Variants in HAUS8 observed in about 807,000 individuals in gnomAD.
HAUS8 encodes the protein HAUS augmin like complex subunit 8.
A neutral mutation model predicts 42.9 loss-of-function variants in HAUS8; 38 were observed. The ratio of observed to expected loss-of-function variants is 0.89; its 90% confidence interval spans 0.68 to 1.16. The LOEUF is 1.16. Among genes scored for constraint, HAUS8 ranks in the 50% most tolerant of loss-of-function variants. The pLI, the probability that HAUS8 is intolerant of heterozygous loss-of-function variation, is 0.00. For synonymous variants in HAUS8, 199 were observed against 205.8 expected (o/e 0.97, Z 0.28); for missense variants, 494 against 511.6 (o/e 0.97, Z 0.33).
At chr19:17,059,957 C>A in intron 5 of HAUS8, 40 bp downstream of exon 5, 1 of 1,434,726 alleles carries the variant, frequency 7.0e-7, no homozygotes, top group African/African-American at 1.4e-5. Context: ...CCTACTGCAA[C>A]CCCCAGTGAG....
At position 17,052,919 on chromosome 19, in the gene HAUS8, G is replaced by A. The variant is rs2057296725; in HGVS notation, c.835C>T (p.Leu279Phe). The change falls in exon 10 of 11, where the codon CTT (leucine) becomes TTT (phenylalanine). Residue 279 changes from leucine to phenylalanine, a missense_variant. Transcript: ENST00000253669. Reference protein sequence around the residue: ...LVTTQRLLGELDVGDSEENVQ... With the variant: ...LVTTQRLLGEFDVGDSEENVQ... ...TTTTCTTCCGAATCACCAACATCAA[G>A]TTCTCCCAGGAGGCGCTGAGTGGTC... 6.2e-7 allele frequency: 1 copy of A among 1,614,184 alleles called. No individual in the cohort carries two copies. Among genetic ancestry groups the A allele is most frequent in the Non-Finnish European group, 8.5e-7 (1 of 1,180,028 alleles).
At chr19:17,063,096 T>C (rs997590662) in intron 3 of HAUS8, among the ~76,000 whole-genome samples, 3 of 152,222 alleles carry the variant, frequency 2.0e-5, no homozygotes, top group African/African-American at 7.2e-5. Context: ...ATAACTTTGG[T>C]CATCAGGAGA....
In HAUS8 at chr19:17,060,112, C is replaced by T. The variant is rs377055297; in HGVS notation, c.230-20G>A. 153 of 1,537,438 alleles carry T rather than the reference C, an allele frequency of 1.0e-4. No individual in the cohort carries two copies. The highest frequency in any genetic ancestry group is 8.5e-4 in the Middle Eastern group (5 of 5,886). On this transcript the variant is annotated intron_variant, in intron 4 of 10. Coordinates refer to ENST00000253669, the MANE Select transcript of HAUS8 (RefSeq NM_033417.2). ...TATCTGCTGTTAAGAAAAGAATCCC[C>T]GAAAGTCAGCACAGTCAAGAGACAC...
At chr19:17,061,308 T>C (rs1044487407) in intron 4 of HAUS8, among the ~76,000 whole-genome samples, 2 of 152,106 alleles carry the variant, frequency 1.3e-5, no homozygotes, top group Non-Finnish European at 2.9e-5. Context: ...TTTTTTATTT[T>C]TTTATTTTTA....
At chr19:17,060,757 C>T (rs2057355440) in intron 4 of HAUS8, among the ~76,000 whole-genome samples, 1 of 152,196 alleles carries the variant, frequency 6.6e-6, no homozygotes, top group Admixed American at 6.5e-5. Context: ...TTCATCCTCC[C>T]TGGGAGTTCC....
chr19:17,059,768 T>C (rs1409010385), intron 5 of HAUS8, 117 bp from the exon 6 acceptor site: 1 of 723,970 alleles, frequency 1.4e-6, no homozygotes, highest in Non-Finnish European at 2.3e-6. Flanking sequence ...AATTGAGGAG[T>C]ATATGGACTT....
intron 3 of HAUS8, among the ~76,000 whole-genome samples, chr19:17,065,840 GCA>G (rs2057384209): frequency 7.1e-6 from 1 of 141,296 alleles, no homozygotes; most frequent in South Asian, 2.2e-4. Flanking sequence ...AAAAAAAAAA[GCA>G]CAGAGCTTGG....
chr19:17,055,913 G>A lies in HAUS8; in HGVS notation c.735C>T (p.His245=), dbSNP rs200413262. 16 of 1,614,162 alleles carry A rather than the reference G, an allele frequency of 9.9e-6. No individual in the cohort carries two copies. In the East Asian group the frequency reaches 1.3e-4, roughly 13 times the overall value. The part of the protein sequence containing the change: ...TFATALDTTR[H]ELPVRSIHLE... ...GGTGGATGGACCTCACGGGCAGCTC[G>A]TGCCTGGTAGTGTCCAGGGCCGTGG... Residue 245 remains histidine (H), a synonymous_variant, in exon 9 of 11, where the codon CAC becomes CAT. Coordinates refer to ENST00000253669, the MANE Select transcript of HAUS8 (RefSeq NM_033417.2).
intron 3 of HAUS8, among the ~76,000 whole-genome samples, chr19:17,063,988 C>G (rs2057374757): frequency 6.6e-6 from 1 of 152,178 alleles, no homozygotes; most frequent in Non-Finnish European, 1.5e-5. Flanking sequence ...ATATTCATAT[C>G]CTTTTATAAG....
chr19:17,064,896 A>C (rs183881137), intron 3 of HAUS8, among the ~76,000 whole-genome samples: 163 of 152,368 alleles, frequency 1.1e-3, no homozygotes, highest in African/African-American at 3.6e-3. Context: ...CTTAAATTAA[A>C]GCACTTAACA....
intron 3 of HAUS8, among the ~76,000 whole-genome samples, chr19:17,064,723 G>T (rs1449159871): frequency 6.6e-6 from 1 of 152,186 alleles, no homozygotes; most frequent in Non-Finnish European, 1.5e-5. Flanking sequence ...CTAACTCACA[G>T]ACTTAAAAGT....
intron 9 of HAUS8, chr19:17,055,137 AAAAAAAATATATATATAT>A (rs2057313945): frequency 3.0e-5 from 1 of 33,324 alleles, no homozygotes; most frequent in Non-Finnish European, 5.1e-5. Context: ...AAAAAAAAAA[AAAAAAAATATATATATAT>A]ATATATATAT....
chr19:17,069,110 A>G (rs2057405735), intron 2 of HAUS8, 24 bp from the exon 3 acceptor site: 1 of 1,607,754 alleles, frequency 6.2e-7, no homozygotes, highest in African/African-American at 1.3e-5. Context: ...CTGTTGGTGC[A>G]CAACAAAACT....
chr19:17,058,093 C>G (rs2057336870), intron 8 of HAUS8, among the ~76,000 whole-genome samples: 1 of 152,220 alleles, frequency 6.6e-6, no homozygotes, highest in Non-Finnish European at 1.5e-5. Flanking sequence ...TCCCAGCAAC[C>G]ACAGGAAACT....
chr19:17,055,885 C>T lies in HAUS8; in HGVS notation c.763G>A (p.Glu255Lys). 1 of 1,614,114 alleles carries T rather than the reference C, an allele frequency of 6.2e-7. No homozygotes were observed. The highest frequency in any genetic ancestry group is 1.1e-5 in the South Asian group (1 of 91,088). The change falls in exon 9 of 11, where the codon GAG becomes AAG. Residue 255 changes from glutamate (E) to lysine (K), a missense_variant. Glu to Lys is a moderately conservative substitution (Grantham distance 56). Coordinates refer to ENST00000253669, the MANE Select transcript of HAUS8 (RefSeq NM_033417.2). ...CCTAAGAGCTGCTGCCCATCTCCCT[C>T]CAGGTGGATGGACCTCACGGGCAGC... Reference protein sequence around the residue: ...HELPVRSIHLEGDGQQLLDAL... With the variant: ...HELPVRSIHLKGDGQQLLDAL...
Position 17,058,667 on chromosome 19 carries a change from T to A in HAUS8, c.527A>T (p.Lys176Met). 1.2e-6 allele frequency: 2 copies of A among 1,611,082 alleles called. No individual in the cohort carries two copies. The highest frequency in any genetic ancestry group is 1.7e-5 in the Admixed American group (1 of 59,114). ...NLAEFERRAE[K>M]NLLIMCKEKE... ...CTCCTTACACATTATTAATAAATTC[T>A]TTTCTGCCCTTCTTTCAAACTCAGC... The change falls in exon 8 of 11, where the codon AAG (lysine) becomes ATG (methionine). Residue 176 changes from lysine to methionine, a missense_variant. Coordinates refer to ENST00000253669, the MANE Select transcript of HAUS8 (RefSeq NM_033417.2).
chr19:17,059,856 A>G (rs1440909111), intron 5 of HAUS8, 141 bp downstream of exon 5: 4 of 699,848 alleles, frequency 5.7e-6, no homozygotes, highest in Admixed American at 2.6e-5. Context: ...GGTATTAAGT[A>G]TATTTTTGAT....
At chr19:17,059,680 C>G in intron 5 of HAUS8, 29 bp from the exon 6 acceptor site, 1 of 1,523,398 alleles carries the variant, frequency 6.6e-7, no homozygotes, top group South Asian at 1.1e-5. Flanking sequence ...TTTTTAATGG[C>G]AAGTAGCGTA....
intron 9 of HAUS8, 163 bp downstream of exon 9, chr19:17,055,698 G>C: frequency 2.9e-6 from 2 of 693,586 alleles, no homozygotes; most frequent in East Asian, 5.5e-5. Flanking sequence ...TACTTACTCA[G>C]GGCGAGACCC....
Sources: gnomAD v4.1 joint callset for allele counts (sites outside exome capture counted in the v4.1 genomes callset) on GRCh38, gnomAD v4.1.1 for gene constraint, MANE v1.5 for transcripts, NCBI Gene and HGNC (gene_info 2026-07-23, HGNC 2026-07-21) for gene names.